The following C1orf50 variants were observed in gnomAD, a reference collection of about 807,000 sequenced individuals.
The protein encoded by C1orf50 is uncharacterized protein C1orf50.
C1orf50 carries 22 observed loss-of-function variants against 23.3 expected under a neutral mutation model. The ratio of observed to expected loss-of-function variants is 0.94; its 90% CI spans 0.67 to 1.35. C1orf50 has a LOEUF of 1.35. C1orf50 is among the 40% of genes most tolerant of loss of function. The pLI is 0.00. For missense variants in C1orf50, 271 were observed against 249.4 expected, an observed-to-expected ratio of 1.09 and a Z score of -0.58; for synonymous variants, 96 against 102.4, an observed-to-expected ratio of 0.94 and a Z score of 0.38.
At chr1:42,773,826 G>C (rs185732374) in intron 3 of C1orf50, among the ~76,000 whole-genome samples, 177 bp downstream of exon 3, 519 of 152,176 alleles carry the variant, frequency 3.4e-3, no homozygotes, top group Non-Finnish European at 5.4e-3. Flanking sequence ...TTGTTTGTCT[G>C]TTTGTTTGTT....
intron 3 of C1orf50, 112 bp downstream of exon 3, chr1:42,773,761 G>A (rs1653273292): frequency 3.1e-6 from 2 of 642,088 alleles, no homozygotes; most frequent in African/African-American, 1.9e-5. Flanking sequence ...TCCTAGAAAT[G>A]TAGAGGTGTT....
chr1:42,768,858 G>A (rs1001033744), intron 2 of C1orf50, among the ~76,000 whole-genome samples: 2 of 152,118 alleles, frequency 1.3e-5, no homozygotes, highest in African/African-American at 4.8e-5. Context: ...GAAATACAGA[G>A]GATGCATTAT....
At chr1:42,774,622 TG>T in intron 3 of C1orf50, 114 bp from the exon 4 acceptor site, 1 of 1,138,698 alleles carries the variant, frequency 8.8e-7, no homozygotes, top group Non-Finnish European at 1.2e-6. Flanking sequence ...TTCATTGCTA[TG>T]GGGGAGCAAG....
At chr1:42,767,719 G>GT (rs1386620280) in intron 2 of C1orf50, 95 bp downstream of exon 2, 2 of 1,139,022 alleles carry the variant, frequency 1.8e-6, no homozygotes, top group Admixed American at 4.8e-5. Context: ...TATGGTGGGG[G>GT]TGGCATTTGC....
intron 4 of C1orf50, 79 bp downstream of exon 4, chr1:42,774,947 T>C (rs527552209): frequency 1.3e-6 from 2 of 1,512,784 alleles, no homozygotes; most frequent in African/African-American, 1.4e-5. Flanking sequence ...AATGTAGACA[T>C]GTGGATTGGT....
chr1:42,773,506 A>G, intron 2 of C1orf50, 57 bp from the exon 3 acceptor site: 1 of 1,044,894 alleles, frequency 9.6e-7, no homozygotes, highest in Non-Finnish European at 1.5e-6. Context: ...CAAGATAAGA[A>G]CATCATAGAA....
chr1:42,775,181 T>TG (rs1389436413), intron 4 of C1orf50, 28 bp from the exon 5 acceptor site: 1 of 1,575,652 alleles, frequency 6.3e-7, no homozygotes, highest in East Asian at 2.3e-5. Flanking sequence ...CCCACGCTGA[T>TG]GGGAACTGCC....
At chr1:42,770,993 C>T (rs577351090) in intron 2 of C1orf50, among the ~76,000 whole-genome samples, 1 of 152,260 alleles carries the variant, frequency 6.6e-6, no homozygotes, top group African/African-American at 2.4e-5. Flanking sequence ...CTACCCCATC[C>T]AAATGACAGT....
At chr1:42,770,171 C>CT (rs1007568874) in intron 2 of C1orf50, among the ~76,000 whole-genome samples, 1 of 151,816 alleles carries the variant, frequency 6.6e-6, no homozygotes, top group Non-Finnish European at 1.5e-5. Context: ...TTATGAGGCT[C>CT]TTTTGTTTTT....
Position 42,777,179 on chromosome 1 carries a change from C to T in C1orf50, c.*1785C>T, listed in dbSNP as rs1653357272. ...TGGCTCAATCTCAGCTTACCGCAACCTCCGCCTCCTGGTTCAAGTGATTCT... is the reference window on the plus strand; with the variant it reads ...TGGCTCAATCTCAGCTTACCGCAACTTCCGCCTCCTGGTTCAAGTGATTCT... On this transcript the variant is annotated 3_prime_UTR_variant, in exon 5 of 5. Coordinates refer to ENST00000372525, the MANE Select transcript of C1orf50 (RefSeq NM_024097.4). 1 of 152,272 alleles carries T rather than the reference C, an allele frequency of 6.6e-6. No individual in the cohort carries two copies. The highest frequency in any genetic ancestry group is 2.4e-5 in the African/African-American group (1 of 41,434). 9.4% of individuals were successfully genotyped at this position (152,272 alleles called of 1,614,324 possible).
At position 42,767,249 on chromosome 1, in the gene C1orf50, G is replaced by A. The variant is rs1653077780; in HGVS notation, c.-63G>A. On this transcript the variant is annotated 5_prime_UTR_variant, in exon 1 of 5. Coordinates refer to ENST00000372525, the MANE Select transcript of C1orf50 (RefSeq NM_024097.4). ...AGAAAGACGGAAGCTCCGCCCACGC[G>A]CCTTTATGCGCAGGCTCTTCCTACT... 2.1e-6 allele frequency: 3 copies of A among 1,446,020 alleles called. No homozygotes were observed. Among genetic ancestry groups the A allele is most frequent in the African/African-American group, 1.4e-5 (1 of 69,436 alleles). The allele number at this position is 1,446,020 out of a possible 1,614,324, so 89.6% of individuals were successfully genotyped here.
intron 2 of C1orf50, among the ~76,000 whole-genome samples, chr1:42,772,090 A>G (rs1653236649): frequency 6.6e-6 from 1 of 152,096 alleles, no homozygotes; most frequent in African/African-American, 2.4e-5. Context: ...ATTAGACTTG[A>G]CTTGCGATCT....
chr1:42,769,937 T>C (rs945599896), intron 2 of C1orf50: 7 of 152,260 alleles, frequency 4.6e-5, no homozygotes, highest in African/African-American at 1.7e-4. Context: ...AATTTTGGAA[T>C]CTGACCTGTG....
In C1orf50 at chr1:42,767,535, C is replaced by T. The variant is rs1372872449; in HGVS notation, c.106C>T (p.Pro36Ser). 1.9e-6 allele frequency: 3 copies of T among 1,595,468 alleles called. No individual in the cohort carries two copies. Among genetic ancestry groups the T allele is most frequent in the African/African-American group, 1.3e-5 (1 of 74,704 alleles). Residue 36 changes from proline (P) to serine (S), a missense_variant, in exon 2 of 5, where the codon CCC (proline) becomes TCC (serine). Pro to Ser is a moderately conservative substitution (Grantham distance 74, BLOSUM62 -1). Coordinates refer to ENST00000372525, the MANE Select transcript of C1orf50 (RefSeq NM_024097.4). ...GGALVELTPT[P>S]GGLALVSPYH... is the part of the protein sequence containing the mutation. The stretch of plus-strand genomic sequence containing the variant: ...AGCCCTGGTGGAGCTCACCCCGACC[C>T]CCGGCGGCCTGGCCCTGGTGAGCCC...
intron 2 of C1orf50, among the ~76,000 whole-genome samples, chr1:42,771,886 G>T (rs1274969940): frequency 6.6e-6 from 1 of 151,540 alleles, no homozygotes; most frequent in Admixed American, 6.6e-5. Context: ...GCTGAGGTGC[G>T]AGATTTGCTT....
rs745920341 is a variant in C1orf50, at chr1:42,767,382, G to A, written c.71G>A (p.Gly24Asp). Reference protein sequence around the residue: ...LERQGAPPAAGQGGALVELTP... With the variant: ...LERQGAPPAADQGGALVELTP... ...AGGCAAGGAGCGCCGCCAGCTGCAGGCCAGGGAGGTATGCGGGGCGGGAGT... is the reference window on the plus strand; with the variant it reads ...AGGCAAGGAGCGCCGCCAGCTGCAGACCAGGGAGGTATGCGGGGCGGGAGT... The change falls in exon 1 of 5, where the codon GGC (glycine) becomes GAC (aspartate). Residue 24 changes from glycine (G) to aspartate (D), a missense_variant. Transcript: ENST00000372525. 1.9e-4 allele frequency: 291 copies of A among 1,555,388 alleles called. No homozygotes were observed. The highest frequency in any genetic ancestry group is 2.3e-4 in the Non-Finnish European group (270 of 1,152,132).
intron 2 of C1orf50, among the ~76,000 whole-genome samples, chr1:42,771,640 T>C (rs1653223350): frequency 6.6e-6 from 1 of 152,134 alleles, no homozygotes; most frequent in Non-Finnish European, 1.5e-5. Context: ...TTACAAATAG[T>C]GATTACATGT....
chr1:42,767,540 C>A lies in C1orf50; in HGVS notation c.111C>A (p.Gly37=), dbSNP rs779512978. 3 of 1,599,642 alleles carry A rather than the reference C, an allele frequency of 1.9e-6. No homozygotes were observed. Among genetic ancestry groups the A allele is most frequent in the East Asian group, 2.3e-5 (1 of 44,432 alleles). ...TGGTGGAGCTCACCCCGACCCCCGGCGGCCTGGCCCTGGTGAGCCCCTACC... is the reference window on the plus strand; with the variant it reads ...TGGTGGAGCTCACCCCGACCCCCGGAGGCCTGGCCCTGGTGAGCCCCTACC... ...GALVELTPTP[G]GLALVSPYHT... Residue 37 remains glycine (G), a synonymous_variant, in exon 2 of 5, where the codon GGC becomes GGA. Coordinates refer to ENST00000372525, the MANE Select transcript of C1orf50 (RefSeq NM_024097.4).
intron 2 of C1orf50, among the ~76,000 whole-genome samples, chr1:42,770,647 G>T (rs193256952): frequency 1.3e-5 from 2 of 152,126 alleles, no homozygotes; most frequent in Admixed American, 1.3e-4. Context: ...GGTCAGGCTG[G>T]TCTCAAACGC....
Sources: allele counts gnomAD v4.1 joint callset (sites outside exome capture counted in the v4.1 genomes callset), GRCh38; gene constraint gnomAD v4.1.1; transcripts MANE v1.5; gene names NCBI Gene and HGNC (gene_info 2026-07-23, HGNC 2026-07-21).